The following SEC14L1 variants were observed in gnomAD, a reference collection of about 807,000 sequenced individuals.
SEC14L1 encodes the protein SEC14 like lipid binding 1.
In SEC14L1, 48 loss-of-function variants were observed where a neutral mutation model predicts 85.3. The ratio of observed to expected loss-of-function variants is 0.56; its 90% CI spans 0.45 to 0.72. The LOEUF (loss-of-function observed/expected upper bound fraction) is 0.72, where lower values mean the gene tolerates loss of function less well. SEC14L1 is among the 30% of genes least tolerant of loss of function. The pLI, the probability that SEC14L1 is intolerant of heterozygous loss-of-function variation, is 0.00. For missense variants in SEC14L1, 682 were observed against 921.4 expected (o/e 0.74, Z 3.36); for synonymous variants, 391 against 355.5 (o/e 1.10, Z -1.12).
intron 3 of SEC14L1, among the ~76,000 whole-genome samples, chr17:77,096,966 G>A (rs1297083330): frequency 1.3e-5 from 2 of 152,164 alleles, no homozygotes; most frequent in East Asian, 3.8e-4. Flanking sequence ...GTCTTGGTTC[G>A]TGATAAGTGC....
intron 3 of SEC14L1, among the ~76,000 whole-genome samples, chr17:77,160,665 C>G (rs1974016444): frequency 6.6e-6 from 1 of 152,174 alleles, no homozygotes; most frequent in Admixed American, 6.5e-5. Flanking sequence ...GTGTATACCT[C>G]CATTTTTTTC....
intron 3 of SEC14L1, among the ~76,000 whole-genome samples, chr17:77,125,742 C>G (rs778549848): frequency 1.5e-4 from 23 of 152,210 alleles, no homozygotes; most frequent in Non-Finnish European, 2.9e-4. Flanking sequence ...CCTGGCCATC[C>G]CACGTGCCTT....
At chr17:77,212,694 GC>G (rs1373850303) in intron 15 of SEC14L1, 1 of 173,282 alleles carries the variant, frequency 5.8e-6, no homozygotes, top group Non-Finnish European at 1.2e-5. Context: ...CGGGGCGGGG[GC>G]ATTGCTTCTG....
Position 77,193,518 on chromosome 17 carries a change from C to T in SEC14L1, c.443C>T (p.Ala148Val). Residue 148 changes from alanine to valine, a missense_variant, in exon 6 of 17, where the codon GCA becomes GTA. Transcript: ENST00000436233. The part of the protein sequence containing the change: ...FGFESTVEKI[A>V]MKQYTSNIKK... Reference sequence around the variant, plus strand: ...TTTGAAAGTACAGTGGAAAAAATTGCAATGAAACAATATACCAGCAACATT... The same window carrying T: ...TTTGAAAGTACAGTGGAAAAAATTGTAATGAAACAATATACCAGCAACATT... 3.1e-6 allele frequency: 5 copies of T among 1,611,482 alleles called. No homozygotes were observed. The highest frequency in any genetic ancestry group is 4.2e-6 in the Non-Finnish European group (5 of 1,178,390).
At chr17:77,126,213 G>A (rs1208568509) in intron 3 of SEC14L1, among the ~76,000 whole-genome samples, 1 of 152,190 alleles carries the variant, frequency 6.6e-6, no homozygotes, top group Admixed American at 6.5e-5. Flanking sequence ...TCAGACTGTT[G>A]GGTTTGGATT....
At chr17:77,122,201 A>G (rs186108118) in intron 3 of SEC14L1, among the ~76,000 whole-genome samples, 1 of 152,350 alleles carries the variant, frequency 6.6e-6, no homozygotes, top group Admixed American at 6.5e-5. Context: ...GCAATTAGTG[A>G]CACCAAATCA....
intron 3 of SEC14L1, among the ~76,000 whole-genome samples, chr17:77,106,407 C>G (rs929065745): frequency 1.2e-4 from 18 of 152,130 alleles, no homozygotes; most frequent in African/African-American, 4.3e-4. Context: ...TGGCACGCAC[C>G]TGAAGTCCCA....
chr17:77,173,287 C>A (rs148667648), intron 3 of SEC14L1, among the ~76,000 whole-genome samples: 1 of 151,210 alleles, frequency 6.6e-6, no homozygotes, highest in African/African-American at 2.4e-5. Flanking sequence ...TGTCTCGCAC[C>A]GAAGTCTTCC....
At chr17:77,159,304 C>T (rs1012526978) in intron 3 of SEC14L1, among the ~76,000 whole-genome samples, 3 of 151,628 alleles carry the variant, frequency 2.0e-5, no homozygotes, top group Admixed American at 1.3e-4. Flanking sequence ...TGACCTCAGG[C>T]GATGGGCCTG....
intron 3 of SEC14L1, among the ~76,000 whole-genome samples, chr17:77,112,032 G>A (rs1168065026): frequency 6.6e-6 from 1 of 152,158 alleles, no homozygotes; most frequent in East Asian, 1.9e-4. Flanking sequence ...CCCGGTGGGA[G>A]GTAACTGAAT....
intron 3 of SEC14L1, among the ~76,000 whole-genome samples, chr17:77,110,104 G>C (rs1302437328): frequency 3.9e-5 from 6 of 152,130 alleles, no homozygotes; most frequent in Non-Finnish European, 8.8e-5. Context: ...TGTTTACCCG[G>C]TTTTCATTGA....
intron 13 of SEC14L1, among the ~76,000 whole-genome samples, chr17:77,208,311 G>A (rs1003925452): frequency 1.6e-4 from 24 of 152,304 alleles, no homozygotes; most frequent in African/African-American, 5.1e-4. Context: ...AGGTTAAACC[G>A]CAGGCTCAGG....
At chr17:77,154,931 G>T (rs1454085866) in intron 3 of SEC14L1, among the ~76,000 whole-genome samples, 2 of 152,076 alleles carry the variant, frequency 1.3e-5, no homozygotes, top group Non-Finnish European at 2.9e-5. Flanking sequence ...CCACTTTCTT[G>T]CCTTATTAAG....
intron 10 of SEC14L1, 120 bp downstream of exon 10, chr17:77,203,778 C>A: frequency 1.4e-6 from 1 of 695,890 alleles, no homozygotes; most frequent in South Asian, 1.7e-5. Context: ...GTAGTTAGGA[C>A]TGAAAATATA....
intron 3 of SEC14L1, chr17:77,185,180 T>C (rs1975212097): frequency 1.0e-6 from 1 of 983,504 alleles, no homozygotes; most frequent in East Asian, 1.1e-4. Context: ...CTCGTTCTCC[T>C]GAGGATAAAA....
intron 3 of SEC14L1, among the ~76,000 whole-genome samples, chr17:77,186,698 C>G (rs528343737): frequency 1.3e-5 from 2 of 152,282 alleles, no homozygotes; most frequent in African/African-American, 4.8e-5. Flanking sequence ...TCCTGTGATT[C>G]TCTAGTCCTT....
In SEC14L1 at chr17:77,184,441, G is replaced by C. The variant is rs528877623; in HGVS notation, c.64-6362G>C. ...ATTGGCAATCCTTCTGTGTTGATTAGATTTTTTTTTTCCTGAAAAATTTTC... is the reference window on the plus strand; with the variant it reads ...ATTGGCAATCCTTCTGTGTTGATTACATTTTTTTTTTCCTGAAAAATTTTC... On this transcript the variant is annotated intron_variant, in intron 3 of 16. Coordinates refer to ENST00000436233, the MANE Select transcript of SEC14L1 (RefSeq NM_001143998.2). Among the ~76,000 whole-genome samples the C allele has an allele frequency of 8.7e-4, 132 of 152,226 alleles. 1 individual carries two copies. The highest frequency in any genetic ancestry group is 3.4e-3 in the Middle Eastern group (1 of 294).
intron 3 of SEC14L1, among the ~76,000 whole-genome samples, chr17:77,146,065 T>A (rs1973287248): frequency 6.6e-6 from 1 of 152,152 alleles, no homozygotes; most frequent in African/African-American, 2.4e-5. Context: ...TCTAGTTCAT[T>A]CCCCACCCCG....
At chr17:77,179,823 C>T (rs922894192) in intron 3 of SEC14L1, among the ~76,000 whole-genome samples, 3 of 151,132 alleles carry the variant, frequency 2.0e-5, no homozygotes, top group Admixed American at 6.6e-5. Flanking sequence ...TACAGGCGCC[C>T]GCCACCACGC....
Sources: gnomAD v4.1 joint callset for allele counts (sites outside exome capture counted in the v4.1 genomes callset) on GRCh38, gnomAD v4.1.1 for gene constraint, MANE v1.5 for transcripts, NCBI Gene and HGNC (gene_info 2026-07-23, HGNC 2026-07-21) for gene names.